Variants in SDK1 observed in about 807,000 individuals in gnomAD.
SDK1 encodes the protein sidekick cell adhesion molecule 1.
Under a neutral mutation model 245.5 loss-of-function variants are expected in SDK1, and 157 were observed. That is an observed-to-expected ratio of 0.64 (90% CI 0.56 to 0.73). The LOEUF is 0.73. SDK1 is among the 30% of genes least tolerant of loss of function. SDK1 has a pLI of 0.00. For synonymous variants in SDK1, 1,647 were observed against 1,278.5 expected, an observed-to-expected ratio of 1.29 and a Z score of -6.15; for missense variants, 3,583 against 3,002.3, an observed-to-expected ratio of 1.19 and a Z score of -4.52.
chr7:3,529,370 A>G lies in SDK1; in HGVS notation c.299-89710A>G, dbSNP rs115936510. Among the ~76,000 whole-genome samples the G allele has an allele frequency of 5.1e-3, 780 of 152,298 alleles. 4 individuals are homozygous for G. The highest frequency in any genetic ancestry group is 0.018 in the African/African-American group (730 of 41,538). On this transcript the variant is annotated intron_variant, in intron 1 of 44. Coordinates refer to ENST00000404826, the MANE Select transcript of SDK1 (RefSeq NM_152744.4). ...AATAGTTAATTCCAGGATAAGTACA[A>G]AATGACCTTGGAAAACTATCTGTGC...
At chr7:3,882,336 A>G (rs1781228251) in intron 5 of SDK1, among the ~76,000 whole-genome samples, 1 of 152,140 alleles carries the variant, frequency 6.6e-6, no homozygotes, top group Non-Finnish European at 1.5e-5. Flanking sequence ...ACTCCTGAGA[A>G]TGCTGCAGGG....
chr7:3,652,488 G>T (rs187886676), intron 4 of SDK1, among the ~76,000 whole-genome samples: 3 of 152,194 alleles, frequency 2.0e-5, no homozygotes, highest in Non-Finnish European at 4.4e-5. Flanking sequence ...CAGAATATGC[G>T]CACGGATGCA....
intron 35 of SDK1, among the ~76,000 whole-genome samples, chr7:4,183,114 A>T (rs1292513617): frequency 6.6e-6 from 1 of 152,156 alleles, no homozygotes; most frequent in African/African-American, 2.4e-5. Context: ...AACGGTCCTC[A>T]TGTGCTGAGT....
intron 1 of SDK1, among the ~76,000 whole-genome samples, chr7:3,347,892 G>GTT (rs10598226): frequency 6.7e-6 from 1 of 149,422 alleles, no homozygotes. Context: ...CATTAAATAT[G>GTT]TTTTTTTTTT....
In SDK1 at chr7:4,208,145, A is replaced by G; in HGVS notation, c.5261A>G (p.Lys1754Arg). ...ADSQNETEKM[K>R]VLFLPEPVVR... ...AGCCAGAACGAAACGGAGAAAATGA[A>G]GGTCCTCTTCCTCCCCGAGCCCGTG... is the stretch of plus-strand genomic sequence containing the variant. The change falls in exon 37 of 45, where the codon AAG becomes AGG. Residue 1754 changes from lysine (K) to arginine (R), a missense_variant. Physicochemically the swap from Lys to Arg is conservative, Grantham distance 26. Transcript: ENST00000404826. The G allele has an allele frequency of 6.2e-7, 1 of 1,613,976 alleles. No individual in the cohort carries two copies. Among genetic ancestry groups the G allele is most frequent in the Non-Finnish European group, 8.5e-7 (1 of 1,179,928 alleles).
At chr7:3,488,160 C>G (rs1374908668) in intron 1 of SDK1, among the ~76,000 whole-genome samples, 1 of 152,138 alleles carries the variant, frequency 6.6e-6, no homozygotes, top group African/African-American at 2.4e-5. Context: ...TTTCCGATGC[C>G]TTTAATTGAA....
intron 5 of SDK1, among the ~76,000 whole-genome samples, chr7:3,903,805 G>A (rs1016620029): frequency 8.5e-5 from 13 of 152,122 alleles, no homozygotes; most frequent in South Asian, 2.1e-4. Flanking sequence ...TTTGGGTCAC[G>A]GAAGTGGGTC....
intron 28 of SDK1, among the ~76,000 whole-genome samples, chr7:4,141,489 C>T (rs2063610860): frequency 6.6e-6 from 1 of 152,210 alleles, no homozygotes; most frequent in South Asian, 2.1e-4. Flanking sequence ...CCATGCCCTG[C>T]TCCTGAAAGT....
chr7:3,450,801 T>C (rs556226029), intron 1 of SDK1, among the ~76,000 whole-genome samples: 11 of 152,230 alleles, frequency 7.2e-5, no homozygotes, highest in Non-Finnish European at 1.3e-4. Context: ...ATGGAATAAT[T>C]GCATGAAGAG....
chr7:3,567,036 A>G (rs531023164), intron 1 of SDK1, among the ~76,000 whole-genome samples: 7 of 152,200 alleles, frequency 4.6e-5, no homozygotes, highest in Non-Finnish European at 7.3e-5. Context: ...CTGATCCCAC[A>G]TTTATTTTCC....
chr7:3,909,814 A>C (rs1212225720), intron 5 of SDK1, among the ~76,000 whole-genome samples: 1 of 152,218 alleles, frequency 6.6e-6, no homozygotes, highest in Non-Finnish European at 1.5e-5. Context: ...AAAGCGAGGC[A>C]CCTCTTCATA....
At chr7:3,673,518 G>C (rs1031714353) in intron 4 of SDK1, among the ~76,000 whole-genome samples, 1 of 152,168 alleles carries the variant, frequency 6.6e-6, no homozygotes, top group East Asian at 1.9e-4. Flanking sequence ...AAAAATAAAA[G>C]TACATACCAT....
Position 4,265,446 on chromosome 7 carries a change from A to G in SDK1, c.*62A>G. Reference sequence around the variant, plus strand: ...CAACTTTCCGGAGTCTATTTTTGTTAAGACAATCAACTCCAATAACTGAGC... The same window carrying G: ...CAACTTTCCGGAGTCTATTTTTGTTGAGACAATCAACTCCAATAACTGAGC... On this transcript the variant is annotated 3_prime_UTR_variant, in exon 45 of 45. Coordinates refer to ENST00000404826, the MANE Select transcript of SDK1 (RefSeq NM_152744.4). 3 of 1,396,948 alleles carry G rather than the reference A, an allele frequency of 2.1e-6. No homozygotes were observed. The highest frequency in any genetic ancestry group is 1.6e-5 in the South Asian group (1 of 63,208). 86.5% of individuals were successfully genotyped at this position (1,396,948 alleles called of 1,614,324 possible).
chr7:3,983,622 C>G (rs911852762), intron 13 of SDK1, among the ~76,000 whole-genome samples: 1 of 152,194 alleles, frequency 6.6e-6, no homozygotes, highest in African/African-American at 2.4e-5. Context: ...TTGCAATATT[C>G]ACTTCATTGT....
intron 20 of SDK1, among the ~76,000 whole-genome samples, chr7:4,074,916 A>ATATATATATATATATTT (rs1434239449): frequency 3.1e-5 from 2 of 64,604 alleles, no homozygotes; most frequent in African/African-American, 2.4e-4. Flanking sequence ...ATATATATAT[A>ATATATATATATATATTT]TTTTTTTTTT....
chr7:4,151,774 G>C (rs1405735573), intron 30 of SDK1, among the ~76,000 whole-genome samples: 2 of 152,152 alleles, frequency 1.3e-5, no homozygotes, highest in Admixed American at 1.3e-4. Context: ...ACTATTCCCA[G>C]TTTACACACG....
intron 1 of SDK1, among the ~76,000 whole-genome samples, chr7:3,554,017 G>C (rs13307119): frequency 2.0e-5 from 3 of 152,098 alleles, no homozygotes; most frequent in Non-Finnish European, 2.9e-5. Flanking sequence ...AAGTAGACCA[G>C]GACCCACATA....
In SDK1 at chr7:3,813,157, T is replaced by A. The variant is rs552111636; in HGVS notation, c.714-8293T>A. Among the ~76,000 whole-genome samples the A allele has an allele frequency of 1.3e-3, 189 of 150,910 alleles. 3 individuals carry two copies. The highest frequency in any genetic ancestry group is 4.3e-3 in the African/African-American group (178 of 41,216). ...TTAAGTTTTAGGGTACATGTGCACATTGTGCAGGTTAGTTACATATGTATA... is the reference window on the plus strand; with the variant it reads ...TTAAGTTTTAGGGTACATGTGCACAATGTGCAGGTTAGTTACATATGTATA... On this transcript the variant is annotated intron_variant, in intron 4 of 44. Transcript: ENST00000404826.
At chr7:4,032,728 A>G (rs1024249176) in intron 17 of SDK1, among the ~76,000 whole-genome samples, 2 of 152,248 alleles carry the variant, frequency 1.3e-5, no homozygotes, top group African/African-American at 4.8e-5. Context: ...TTACAATAAC[A>G]GAATAACATT....
Sources: gnomAD v4.1 joint callset for allele counts (sites outside exome capture counted in the v4.1 genomes callset) on GRCh38, gnomAD v4.1.1 for gene constraint, MANE v1.5 for transcripts, NCBI Gene and HGNC (gene_info 2026-07-23, HGNC 2026-07-21) for gene names.